Variants in GLRX2 observed in about 807,000 individuals in gnomAD.
GLRX2 encodes the protein bA101E13.1 (GRX2 glutaredoxin (thioltransferase) 2).
A neutral mutation model predicts 16.4 loss-of-function variants in GLRX2; 12 were observed. The observed-to-expected ratio is 0.73, with a 90% CI of 0.47 to 1.19. The LOEUF is 1.19. GLRX2 is among the 50% of genes most tolerant of loss of function. The probability of loss-of-function intolerance (pLI) is 0.00; values close to 1 mark genes in which losing one functional copy is unlikely to be tolerated. For missense variants in GLRX2, 201 were observed against 201.8 expected (o/e 1.00, Z 0.02); for synonymous variants, 95 against 76.2 (o/e 1.25, Z -1.28).
At chr1:193,101,231 A>C (rs1328928187) in intron 1 of GLRX2, 27 bp from the exon 2 acceptor site, 1 of 1,371,024 alleles carries the variant, frequency 7.3e-7, no homozygotes, top group East Asian at 2.3e-5. Context: ...AGAACAATGT[A>C]GTTTATTAAG....
chr1:193,096,864 G>T, intron 3 of GLRX2, 105 bp from the exon 4 acceptor site: 1 of 760,762 alleles, frequency 1.3e-6, no homozygotes, highest in Non-Finnish European at 2.1e-6. Flanking sequence ...TTATGAGCCT[G>T]GCACCACAAA....
intron 2 of GLRX2, among the ~76,000 whole-genome samples, chr1:193,100,272 C>T (rs1675047535): frequency 6.6e-6 from 1 of 152,094 alleles, no homozygotes; most frequent in African/African-American, 2.4e-5. Flanking sequence ...ATCAGGAGTT[C>T]AAGACCAGCC....
upstream of GLRX2, chr1:193,105,468 G>C: frequency 1.4e-6 from 2 of 1,412,042 alleles, no homozygotes; most frequent in Non-Finnish European, 1.9e-6. Flanking sequence ...CCCCCGCCTT[G>C]CCCCGCCCCG....
chr1:193,098,112 C>G (rs1674997087), intron 2 of GLRX2, among the ~76,000 whole-genome samples: 1 of 152,102 alleles, frequency 6.6e-6, no homozygotes, highest in Non-Finnish European at 1.5e-5. Flanking sequence ...ATTATTGTCC[C>G]CACTTCACAG....
At position 193,096,857 on chromosome 1, in the gene GLRX2, T is replaced by C. The variant is rs1409340574; in HGVS notation, c.361-98A>G. ...GACATTTGAACTCTGGGTACTTTTA[T>C]GAGCCTGGCACCACAAAGCTCTTTC... is the stretch of plus-strand genomic sequence containing the variant. On this transcript the variant is annotated intron_variant, in intron 3 of 3. Transcript: ENST00000367439. 18 of 847,848 alleles carry C rather than the reference T, an allele frequency of 2.1e-5. No individual in the cohort carries two copies. In the East Asian group the frequency reaches 4.5e-4, roughly 21 times the overall value. The allele number at this position is 847,848 out of a possible 1,614,324, so 52.5% of individuals were successfully genotyped here. A position where few individuals can be genotyped will look rare whatever the true frequency, so the allele number is the denominator to read the frequency against.
Position 193,105,368 on chromosome 1 carries a change from G to T in GLRX2, c.15C>A (p.Arg5=). MIWR[R]AALAGTRLVW... The stretch of plus-strand genomic sequence containing the variant: ...CCAGCCGCGTCCCCGCCAGCGCCGC[G>T]CGGCGCCAAATCATGGTCAGAGCCC... Residue 5 remains arginine, a synonymous_variant, in exon 1 of 4, where the codon CGC becomes CGA. Transcript: ENST00000367439. 3 of 1,546,012 alleles carry T rather than the reference G, an allele frequency of 1.9e-6. No homozygotes were observed. The highest frequency in any genetic ancestry group is 2.6e-6 in the Non-Finnish European group (3 of 1,156,636).
upstream of GLRX2, chr1:193,105,604 G>C: frequency 1.2e-6 from 2 of 1,606,416 alleles, no homozygotes; most frequent in East Asian, 4.5e-5. Context: ...CTTTAGAGGG[G>C]AGAAGCGGCT....
At chr1:193,104,493 A>G (rs1424548270) in intron 1 of GLRX2, among the ~76,000 whole-genome samples, 2 of 152,322 alleles carry the variant, frequency 1.3e-5, no homozygotes, top group East Asian at 3.9e-4. Flanking sequence ...GGAAAGTTAA[A>G]CTTGAGATTC....
rs1160924256 is a variant in GLRX2 at position 193,105,340 on chromosome 1, A to G, written c.43T>C (p.Trp15Arg). 2 of 1,548,306 alleles carry G rather than the reference A, an allele frequency of 1.3e-6. No homozygotes were observed. Among genetic ancestry groups the G allele is most frequent in the Non-Finnish European group, 1.7e-6 (2 of 1,157,316 alleles). The change falls in exon 1 of 4, where the codon TGG becomes CGG. Residue 15 changes from tryptophan (W) to arginine (R), a missense_variant. Coordinates refer to ENST00000367439, the MANE Select transcript of GLRX2 (RefSeq NM_197962.3). ...RAALAGTRLV[W>R]SRSGSAGWLD... is the part of the protein sequence containing the mutation. ...CAGCCTGCCGAGCCGCTCCTGCTCCAAACCAGCCGCGTCCCCGCCAGCGCC... is the reference window on the plus strand; with the variant it reads ...CAGCCTGCCGAGCCGCTCCTGCTCCGAACCAGCCGCGTCCCCGCCAGCGCC...
At chr1:193,105,088 C>A in intron 1 of GLRX2, 176 bp downstream of exon 1, 1 of 617,766 alleles carries the variant, frequency 1.6e-6, no homozygotes, top group South Asian at 7.1e-5. Context: ...CCGCGGAGGG[C>A]ACCCTTCCCT....
upstream of GLRX2, chr1:193,105,553 G>A (rs752638722): frequency 2.5e-6 from 4 of 1,587,080 alleles, no homozygotes; most frequent in Non-Finnish European, 2.6e-6. Flanking sequence ...AGGGCTGCCC[G>A]AGCGCTGGAT....
intron 3 of GLRX2, 143 bp downstream of exon 3, chr1:193,097,441 A>G (rs1267368628): frequency 1.8e-6 from 1 of 546,226 alleles, no homozygotes; most frequent in African/African-American, 2.0e-5. Context: ...TTCCTATTCT[A>G]AGAATCTGGT....
At chr1:193,100,344 G>C (rs1472572622) in intron 2 of GLRX2, among the ~76,000 whole-genome samples, 3 of 152,022 alleles carry the variant, frequency 2.0e-5, no homozygotes, top group African/African-American at 7.3e-5. Flanking sequence ...TGTGGTGGTG[G>C]ACGCCTGTAA....
intron 1 of GLRX2, among the ~76,000 whole-genome samples, chr1:193,104,938 G>A (rs1675154981): frequency 6.6e-6 from 1 of 152,248 alleles, no homozygotes; most frequent in Non-Finnish European, 1.5e-5. Flanking sequence ...CTTGGACTAA[G>A]AATCATTCGC....
upstream of GLRX2, chr1:193,105,906 G>A (rs1302030494): frequency 4.5e-6 from 5 of 1,105,944 alleles, no homozygotes; most frequent in Admixed American, 2.0e-4. Context: ...GGGATATTGG[G>A]GTTTACATCC....
chr1:193,099,300 G>A (rs1675025537), intron 2 of GLRX2, among the ~76,000 whole-genome samples: 1 of 151,780 alleles, frequency 6.6e-6, no homozygotes, highest in African/African-American at 2.4e-5. Flanking sequence ...GATTTTGAAT[G>A]GATAGATTTA....
chr1:193,097,866 G>T, intron 2 of GLRX2, 106 bp from the exon 3 acceptor site: 1 of 646,532 alleles, frequency 1.5e-6, no homozygotes, highest in Non-Finnish European at 2.4e-6. Context: ...ATGATTCTGG[G>T]CTCAAACTAA....
chr1:193,100,457 G>C (rs1675052492), intron 2 of GLRX2, among the ~76,000 whole-genome samples: 1 of 152,178 alleles, frequency 6.6e-6, no homozygotes, highest in Non-Finnish European at 1.5e-5. Flanking sequence ...CTGGGCAACA[G>C]AGCGAGACGC....
intron 2 of GLRX2, 54 bp downstream of exon 2, chr1:193,101,087 G>A (rs1675064979): frequency 4.8e-6 from 5 of 1,050,606 alleles, no homozygotes; most frequent in African/African-American, 1.6e-5. Context: ...ATATATAAGG[G>A]ACAATTCTTT....
Sources: gnomAD v4.1 joint callset for allele counts (sites outside exome capture counted in the v4.1 genomes callset) on GRCh38, gnomAD v4.1.1 for gene constraint, MANE v1.5 for transcripts, NCBI Gene and HGNC (gene_info 2026-07-23, HGNC 2026-07-21) for gene names.